The following LIN28A variants were observed in gnomAD, a reference collection of about 807,000 sequenced individuals.
The protein encoded by LIN28A is lin-28 RNA binding posttranscriptional regulator A.
Under a neutral mutation model 21.1 loss-of-function variants are expected in LIN28A, and 11 were observed. That is an observed-to-expected ratio of 0.52 (90% CI 0.33 to 0.86). LIN28A has a LOEUF of 0.86. Ranked by LOEUF, LIN28A falls within the 40% of genes least tolerant of loss-of-function variation. LIN28A has a pLI of 0.03. For synonymous variants in LIN28A, 111 were observed against 108.7 expected, an observed-to-expected ratio of 1.02 and a Z score of -0.13; for missense variants, 219 against 279.8, an observed-to-expected ratio of 0.78 and a Z score of 1.55.
At chr1:26,419,153 C>T (rs1160932172) in intron 2 of LIN28A, among the ~76,000 whole-genome samples, 7 of 151,780 alleles carry the variant, frequency 4.6e-5, no homozygotes, top group Admixed American at 3.3e-4. Context: ...GAATTTCAGG[C>T]GCTTTTCAGA....
intron 2 of LIN28A, among the ~76,000 whole-genome samples, chr1:26,418,477 C>T (rs768238617): frequency 2.0e-5 from 3 of 150,776 alleles, no homozygotes; most frequent in Non-Finnish European, 2.9e-5. Context: ...ACCCGGGAGG[C>T]GGAGCTTGCA....
chr1:26,425,814 T>C (rs994845059), intron 3 of LIN28A, among the ~76,000 whole-genome samples: 2 of 152,256 alleles, frequency 1.3e-5, no homozygotes, highest in African/African-American at 4.8e-5. Flanking sequence ...GACAGTATTA[T>C]CTATATCTGT....
At position 26,425,193 on chromosome 1, in the gene LIN28A, A is replaced by C. The variant is rs2075051524; in HGVS notation, c.229-110A>C. 9.4e-6 allele frequency: 10 copies of C among 1,058,738 alleles called. No individual in the cohort carries two copies. In the South Asian group the frequency reaches 1.6e-4, roughly 17 times the overall value. 65.6% of individuals were successfully genotyped at this position (1,058,738 alleles called of 1,614,324 possible). On this transcript the variant is annotated intron_variant, in intron 2 of 3. Coordinates refer to ENST00000326279, the MANE Select transcript of LIN28A (RefSeq NM_024674.6). ...TTTGAGTCAGTTTCCTTACCAGTAA[A>C]ATAGGAGTACCATCACATTTGATTC...
intron 2 of LIN28A, among the ~76,000 whole-genome samples, chr1:26,424,211 T>G (rs1241312196): frequency 6.6e-6 from 1 of 152,142 alleles, no homozygotes; most frequent in Non-Finnish European, 1.5e-5. Context: ...AATGAATATT[T>G]CAGTGCTTCA....
Position 26,411,476 on chromosome 1 carries a change from C to T in LIN28A, c.122C>T (p.Ala41Val). The change falls in exon 2 of 4, where the codon GCG becomes GTG. Residue 41 changes from alanine to valine, a missense_variant. Transcript: ENST00000326279. The surrounding 1 kb of genome is among the most constrained non-coding windows in gnomAD (Gnocchi z 5.4). Reference protein sequence around the residue: ...AADEPQLLHGAGICKWFNVRM... With the variant: ...AADEPQLLHGVGICKWFNVRM... ...GACGAGCCTCAGCTGCTGCACGGTG[C>T]GGGCATCTGTAAGTGGTTCAACGTG... The T allele has an allele frequency of 1.2e-6, 2 of 1,613,962 alleles. No individual in the cohort carries two copies. The highest frequency in any genetic ancestry group is 1.1e-5 in the South Asian group (1 of 91,082).
At chr1:26,418,373 C>CAA (rs1323355633) in intron 2 of LIN28A, among the ~76,000 whole-genome samples, 1 of 151,918 alleles carries the variant, frequency 6.6e-6, no homozygotes, top group Non-Finnish European at 1.5e-5. Flanking sequence ...GGTGAAACCC[C>CAA]GTCTCTACTA....
At chr1:26,413,493 A>G (rs186220133) in intron 2 of LIN28A, among the ~76,000 whole-genome samples, 244 of 152,262 alleles carry the variant, frequency 1.6e-3, no homozygotes, top group African/African-American at 5.6e-3. Flanking sequence ...TTGAGTCTAC[A>G]CCATGCTGGG....
At position 26,411,590 on chromosome 1, in the gene LIN28A, T is replaced by C. The variant is rs367979603; in HGVS notation, c.228+8T>C. Reference sequence around the variant, plus strand: ...GATGTCTTTGTGCACCAGGTGAGACTGATTCCGGTAACTTTGCCCAGGGAA... The same window carrying C: ...GATGTCTTTGTGCACCAGGTGAGACCGATTCCGGTAACTTTGCCCAGGGAA... On this transcript the variant is annotated splice_region_variant and intron_variant, in intron 2 of 3. Transcript: ENST00000326279. This position sits in a 1 kb window ranked among gnomAD's most constrained non-coding sequence, Gnocchi z 5.4. The C allele has an allele frequency of 2.1e-5, 33 of 1,607,650 alleles. No individual in the cohort carries two copies. Among genetic ancestry groups the C allele is most frequent in the Non-Finnish European group, 2.7e-5 (32 of 1,178,232 alleles).
At chr1:26,425,518 G>A (rs1169947679) in intron 3 of LIN28A, 31 bp downstream of exon 3, 17 of 1,595,656 alleles carry the variant, frequency 1.1e-5, no homozygotes, top group Non-Finnish European at 1.5e-5. Flanking sequence ...TATATAGGTT[G>A]CTAAGGGCAT....
rs937826563 is a variant in LIN28A at position 26,429,164 on chromosome 1, CAAACA to C, written c.*2725_*2729del. On this transcript the variant is annotated 3_prime_UTR_variant, in exon 4 of 4. Transcript: ENST00000326279. ...CTGGTTACAGAGCAAGACTCTGTCT[CAAACA>C]AAACAAAACAAAACAAAAACACACT... 22 of 162,532 alleles carry C rather than the reference CAAACA, an allele frequency of 1.4e-4. No individual in the cohort carries two copies. Among genetic ancestry groups the C allele is most frequent in the African/African-American group, 2.6e-4 (11 of 41,690 alleles). The allele number at this position is 162,532 out of a possible 1,614,324, so 10.1% of individuals were successfully genotyped here. A position where few individuals can be genotyped will look rare whatever the true frequency, so the allele number is the denominator to read the frequency against.
chr1:26,420,601 CAAAAAAAAAA>C (rs10643062), intron 2 of LIN28A, among the ~76,000 whole-genome samples: 2 of 129,220 alleles, frequency 1.5e-5, no homozygotes, highest in Non-Finnish European at 3.2e-5. Context: ...AAGACTTTCT[CAAAAAAAAAA>C]AAAAAAAATT....
At chr1:26,418,754 G>T (rs954178078) in intron 2 of LIN28A, among the ~76,000 whole-genome samples, 1 of 152,168 alleles carries the variant, frequency 6.6e-6, no homozygotes. Flanking sequence ...AGGGGGTCCT[G>T]TTTGGTTCTA....
At position 26,411,620 on chromosome 1, in the gene LIN28A, G is replaced by A; in HGVS notation, c.228+38G>A. ...CCGGTAACTTTGCCCAGGGAAGGGC[G>A]TCTAGGCGCCCATATCCACGGGTGG... On this transcript the variant is annotated intron_variant, in intron 2 of 3. Coordinates refer to ENST00000326279, the MANE Select transcript of LIN28A (RefSeq NM_024674.6). The surrounding 1 kb of genome is among the most constrained non-coding windows in gnomAD (Gnocchi z 5.4). 1.3e-6 allele frequency: 2 copies of A among 1,592,656 alleles called. No individual in the cohort carries two copies. The highest frequency in any genetic ancestry group is 1.4e-5 in the African/African-American group (1 of 73,488).
chr1:26,422,092 T>A (rs1339660710), intron 2 of LIN28A, among the ~76,000 whole-genome samples: 2 of 151,130 alleles, frequency 1.3e-5, no homozygotes, highest in Non-Finnish European at 2.9e-5. Flanking sequence ...CACTGCAACC[T>A]CTGCCTCCTG....
rs1160924726 is a variant in LIN28A, at chr1:26,411,653, G to A, written c.228+71G>A. On this transcript the variant is annotated intron_variant, in intron 2 of 3. Transcript: ENST00000326279. The surrounding 1 kb of genome is among the most constrained non-coding windows in gnomAD (Gnocchi z 5.4). ...GCCCATATCCACGGGTGGGCTCCGG[G>A]CTCGCAGTTGAATTGAGGGCCATCG... 2.7e-6 allele frequency: 4 copies of A among 1,507,908 alleles called. No individual in the cohort carries two copies. Among genetic ancestry groups the A allele is most frequent in the Non-Finnish European group, 1.8e-6 (2 of 1,105,066 alleles). The allele number at this position is 1,507,908 out of a possible 1,614,324, so 93.4% of individuals were successfully genotyped here. A position where few individuals can be genotyped will look rare whatever the true frequency, so the allele number is the denominator to read the frequency against.
In LIN28A at chr1:26,410,841, G is replaced by T. The variant is rs554194362; in HGVS notation, c.-51G>T. Reference sequence around the variant, plus strand: ...CCCTTTGCCTTCGGACTTCTCCGGGGCCAGCAGCCGCCCGACCAGGGGCCC... The same window carrying T: ...CCCTTTGCCTTCGGACTTCTCCGGGTCCAGCAGCCGCCCGACCAGGGGCCC... On this transcript the variant is annotated 5_prime_UTR_variant, in exon 1 of 4. Coordinates refer to ENST00000326279, the MANE Select transcript of LIN28A (RefSeq NM_024674.6). 1 of 1,602,638 alleles carries T rather than the reference G, an allele frequency of 6.2e-7. No homozygotes were observed. The highest frequency in any genetic ancestry group is 1.7e-5 in the Admixed American group (1 of 59,642).
rs1182756924 is a variant in LIN28A, at chr1:26,428,457, G to A, written c.*1999G>A. ...TGGAGTGTCTCCACAACTCTTAAAT[G>A]ATGTATGCAAAAATACTGAAGCTAG... is the stretch of plus-strand genomic sequence containing the variant. On this transcript the variant is annotated 3_prime_UTR_variant, in exon 4 of 4. Transcript: ENST00000326279. 3 of 152,028 alleles carry A rather than the reference G, an allele frequency of 2.0e-5. No homozygotes were observed. The highest frequency in any genetic ancestry group is 2.0e-4 in the Admixed American group (3 of 15,260). 9.4% of individuals were successfully genotyped at this position (152,028 alleles called of 1,614,324 possible).
Position 26,412,358 on chromosome 1 carries a change from C to T in LIN28A, c.228+776C>T, listed in dbSNP as rs539024605. Among the ~76,000 whole-genome samples, 251 of 152,260 alleles carry T rather than the reference C, an allele frequency of 1.6e-3. 1 individual carries two copies. The highest frequency in any genetic ancestry group is 5.0e-3 in the African/African-American group (207 of 41,552). ...AGGGAGGCTGGCCTCTGGTCCTATT[C>T]TCCGCTTGGCATTTATGGCCCCAGA... On this transcript the variant is annotated intron_variant, in intron 2 of 3. Coordinates refer to ENST00000326279, the MANE Select transcript of LIN28A (RefSeq NM_024674.6).
rs1202952934 is a variant in LIN28A at position 26,423,413 on chromosome 1, C to CTTTTTTTTTTTTT, written c.229-1879_229-1867dup. On this transcript the variant is annotated intron_variant, in intron 2 of 3. Coordinates refer to ENST00000326279, the MANE Select transcript of LIN28A (RefSeq NM_024674.6). Reference sequence around the variant, plus strand: ...TTATGATTTCCTTTTTTTTCTTTTTCTTTTTTTTTTTTTTTTTTTTTTTGT... The same window carrying CTTTTTTTTTTTTT: ...TTATGATTTCCTTTTTTTTCTTTTTCTTTTTTTTTTTTTTTTTTTTTTTTTTTTTTTTTTTTGT... Among the ~76,000 whole-genome samples the CTTTTTTTTTTTTT allele has an allele frequency of 3.8e-3, 298 of 78,822 alleles. 2 individuals are homozygous for CTTTTTTTTTTTTT. Among genetic ancestry groups the CTTTTTTTTTTTTT allele is most frequent in the Non-Finnish European group, 4.1e-3 (184 of 44,648 alleles). 51.7% of individuals were successfully genotyped at this position (78,822 alleles called of 152,430 possible).
Sources: gnomAD v4.1 joint callset for allele counts (sites outside exome capture counted in the v4.1 genomes callset) on GRCh38, gnomAD v4.1.1 for gene constraint, Gnocchi (gnomAD v3.1) non-coding constraint, MANE v1.5 for transcripts, NCBI Gene and HGNC (gene_info 2026-07-23, HGNC 2026-07-21) for gene names.